RAD52: variants seen among roughly 807,000 people sequenced by gnomAD.
RAD52 encodes the protein DNA repair protein RAD52 homolog.
RAD52 carries 47 observed loss-of-function variants against 55.5 expected under a neutral mutation model. The ratio of observed to expected loss-of-function variants is 0.85; its 90% CI spans 0.67 to 1.08. RAD52 has a LOEUF of 1.08. Ranked by LOEUF, RAD52 falls within the 50% of genes least tolerant of loss-of-function variation. RAD52 has a pLI of 0.00. For synonymous variants in RAD52, 184 were observed against 198.9 expected (o/e 0.92, Z 0.63); for missense variants, 468 against 522.8 (o/e 0.90, Z 1.02).
At chr12:987,356 T>C (rs1959099670) in intron 1 of RAD52, among the ~76,000 whole-genome samples, 1 of 108,380 alleles carries the variant, frequency 9.2e-6, no homozygotes, top group African/African-American at 2.5e-5. Flanking sequence ...TTCAAACATT[T>C]CACATGGTTG....
chr12:954,585 G>A (rs937633475), upstream of RAD52, among the ~76,000 whole-genome samples: 4 of 152,182 alleles, frequency 2.6e-5, no homozygotes, highest in African/African-American at 9.7e-5. Context: ...ATTGAGCTGA[G>A]ATCGTGCTGC....
At chr12:966,959 A>G (rs576960243) in intron 1 of RAD52, among the ~76,000 whole-genome samples, 39 of 152,178 alleles carry the variant, frequency 2.6e-4, no homozygotes, top group Non-Finnish European at 4.7e-4. Context: ...CCTGTGCTGT[A>G]GTTAAATATG....
intron 1 of RAD52, among the ~76,000 whole-genome samples, chr12:956,796 C>T (rs182823038): frequency 3.3e-5 from 5 of 152,292 alleles, no homozygotes; most frequent in African/African-American, 1.2e-4. Context: ...ATCTGCCTAC[C>T]TCGGCCTCCC....
intron 1 of RAD52, among the ~76,000 whole-genome samples, chr12:985,044 T>C (rs7974005): frequency 0.95 from 144,404 of 151,832 alleles, 69,050 homozygotes; most frequent in East Asian, 1. Flanking sequence ...CTCCTGACCT[T>C]GTGATCCGCC....
At chr12:962,303 T>G (rs562981204) in intron 1 of RAD52, among the ~76,000 whole-genome samples, 164 of 151,416 alleles carry the variant, frequency 1.1e-3, no homozygotes, top group African/African-American at 3.6e-3. Context: ...GAATGCACAA[T>G]GAGGAGTTAG....
chr12:973,779 CTTCTT>C (rs1958900638), intron 1 of RAD52, among the ~76,000 whole-genome samples: 1 of 136,848 alleles, frequency 7.3e-6, no homozygotes, highest in African/African-American at 3.0e-5. Context: ...ACGCCCAGTC[CTTCTT>C]TTTTTTTTTT....
chr12:940,926 C>T (rs1270227398), intron 1 of RAD52, among the ~76,000 whole-genome samples: 1 of 151,876 alleles, frequency 6.6e-6, no homozygotes, highest in East Asian at 1.9e-4. Flanking sequence ...ATGTCTAACT[C>T]ACATACAATT....
At chr12:950,244 A>C (rs908979576), upstream of RAD52, among the ~76,000 whole-genome samples, 4 of 152,066 alleles carry the variant, frequency 2.6e-5, no homozygotes, top group Admixed American at 2.0e-4. Context: ...AGGGAAATGG[A>C]GAAGTGCGGC....
upstream of RAD52, among the ~76,000 whole-genome samples, chr12:949,877 G>C (rs1958474291): frequency 6.6e-6 from 1 of 152,126 alleles, no homozygotes; most frequent in Admixed American, 6.5e-5. Flanking sequence ...TTTACGTTCT[G>C]AGCCGCTCGC....
rs947102782 is a variant in RAD52 at position 912,816 on chromosome 12, C to T, written c.*575G>A. 1 of 169,832 alleles carries T rather than the reference C, an allele frequency of 5.9e-6. No homozygotes were observed. The highest frequency in any genetic ancestry group is 2.5e-5 in the African/African-American group (1 of 39,954). 10.5% of individuals were successfully genotyped at this position (169,832 alleles called of 1,614,324 possible). A position where few individuals can be genotyped will look rare whatever the true frequency, so the allele number is the denominator to read the frequency against. On this transcript the variant is annotated 3_prime_UTR_variant, in exon 12 of 12. Coordinates refer to ENST00000358495, the MANE Select transcript of RAD52 (RefSeq NM_134424.4). ...TTAGGAAAAAATGTCAGTCTTGAAA[C>T]AATGCAGGATTGTAATGTCATAAAT...
At chr12:929,029 T>C (rs558216174) in intron 5 of RAD52, among the ~76,000 whole-genome samples, 8 of 152,198 alleles carry the variant, frequency 5.3e-5, no homozygotes, top group African/African-American at 1.9e-4. Flanking sequence ...CATGCCCAGC[T>C]AATTTTTTGT....
chr12:947,064 C>T (rs1374050473), intron 1 of RAD52, among the ~76,000 whole-genome samples: 1 of 152,206 alleles, frequency 6.6e-6, no homozygotes, highest in Non-Finnish European at 1.5e-5. Flanking sequence ...CAGTGGCTCA[C>T]GCCTGTAATC....
chr12:935,160 A>C (rs1033575879), intron 1 of RAD52, among the ~76,000 whole-genome samples: 1 of 151,956 alleles, frequency 6.6e-6, no homozygotes, highest in Non-Finnish European at 1.5e-5. Flanking sequence ...CTTACTGCTC[A>C]CTACTATATA....
At chr12:989,591 G>A (rs997899421) in intron 1 of RAD52, among the ~76,000 whole-genome samples, 2 of 152,162 alleles carry the variant, frequency 1.3e-5, no homozygotes, top group Non-Finnish European at 2.9e-5. Context: ...CTGAATCTGT[G>A]TTAGGACAGT....
At chr12:927,072 C>G in intron 6 of RAD52, 73 bp downstream of exon 6, 1 of 1,542,148 alleles carries the variant, frequency 6.5e-7, no homozygotes, top group Middle Eastern at 2.1e-4. Context: ...GTTACCTCTT[C>G]CAAAAAAAAT....
At chr12:988,327 A>G (rs1215015563) in intron 1 of RAD52, among the ~76,000 whole-genome samples, 1 of 152,188 alleles carries the variant, frequency 6.6e-6, no homozygotes, top group Non-Finnish European at 1.5e-5. Context: ...CTAGTATACT[A>G]ATTAGGTTTT....
chr12:923,786 G>A (rs1056174770), intron 7 of RAD52, among the ~76,000 whole-genome samples: 1 of 151,976 alleles, frequency 6.6e-6, no homozygotes, highest in African/African-American at 2.4e-5. Flanking sequence ...GGCCGGGTGC[G>A]GTGGCTCACG....
At chr12:955,779 T>G (rs929997252) in intron 1 of RAD52, among the ~76,000 whole-genome samples, 25 of 151,034 alleles carry the variant, frequency 1.7e-4, no homozygotes, top group Non-Finnish European at 3.0e-5. Flanking sequence ...GGCATTTTTG[T>G]TTTTTTTGTT....
intron 10 of RAD52, 63 bp downstream of exon 10, chr12:914,368 A>G: frequency 6.3e-7 from 1 of 1,595,960 alleles, no homozygotes; most frequent in Admixed American, 1.8e-5. Context: ...GTCGCCTAAA[A>G]GGTATTCTGT....
Sources: allele counts gnomAD v4.1 joint callset (sites outside exome capture counted in the v4.1 genomes callset), GRCh38; gene constraint gnomAD v4.1.1; transcripts MANE v1.5; gene names NCBI Gene and HGNC (gene_info 2026-07-23, HGNC 2026-07-21).